Variants in RPGRIP1L observed in about 807,000 individuals in gnomAD.
RPGRIP1L encodes protein fantom.
In RPGRIP1L, 131 loss-of-function variants were observed where a neutral mutation model predicts 160.4. The observed-to-expected ratio is 0.82, with a 90% CI of 0.71 to 0.94. The LOEUF (loss-of-function observed/expected upper bound fraction) is 0.94. Ranked by LOEUF, RPGRIP1L falls within the 40% of genes least tolerant of loss-of-function variation. The pLI is 0.00. For missense variants in RPGRIP1L, 1,522 were observed against 1,535.8 expected (o/e 0.99, Z 0.15); for synonymous variants, 510 against 515.8 (o/e 0.99, Z 0.15).
chr16:53,698,653 C>G (rs1255994522), intron 2 of RPGRIP1L, among the ~76,000 whole-genome samples: 1 of 131,196 alleles, frequency 7.6e-6, no homozygotes, highest in Non-Finnish European at 1.6e-5. Flanking sequence ...CCAGCCGCCC[C>G]GTCGGGAGGG....
At chr16:53,615,472 AT>A (rs1166401715) in intron 24 of RPGRIP1L, among the ~76,000 whole-genome samples, 17,668 of 74,672 alleles carry the variant, frequency 0.24, 1,710 homozygotes, top group Non-Finnish European at 0.3. Flanking sequence ...ATATATATAT[AT>A]TTTTTTTTTT....
intron 10 of RPGRIP1L, among the ~76,000 whole-genome samples, chr16:53,662,755 A>T (rs1967913461): frequency 6.6e-6 from 1 of 152,074 alleles, no homozygotes; most frequent in Non-Finnish European, 1.5e-5. Flanking sequence ...AATCTGAGGT[A>T]TTCAAACAAA....
In RPGRIP1L at chr16:53,638,007, A is replaced by G. The variant is rs888005204; in HGVS notation, c.3061-153T>C. On this transcript the variant is annotated intron_variant, in intron 20 of 26. Transcript: ENST00000647211. The stretch of plus-strand genomic sequence containing the variant: ...ATGAGACTCAGAAAACAACCACTTC[A>G]ATTTGTACAAATGATAATATATAGA... Among the ~76,000 whole-genome samples the G allele has an allele frequency of 1.4e-4, 22 of 152,184 alleles. 1 individual carries two copies. Among genetic ancestry groups the G allele is most frequent in the Admixed American group, 1.2e-3 (19 of 15,278 alleles).
Position 53,658,414 on chromosome 16 carries a change from C to T in RPGRIP1L, c.1401G>A (p.Lys467=), listed in dbSNP as rs377189596. 1.6e-5 allele frequency: 25 copies of T among 1,608,664 alleles called. No homozygotes were observed. Among genetic ancestry groups the T allele is most frequent in the Non-Finnish European group, 2.1e-5 (25 of 1,175,400 alleles). ...DELSEALLLI[K]AQKEQKNGDL... is the part of the protein sequence containing the mutation. ...ATCACGATGAAGTTCAGAACCTTAC[C>T]TTTATAAGTAGGAGAGCTTCACTCA... Residue 467 remains lysine, a splice_region_variant and synonymous_variant, in exon 12 of 27, where the codon AAG becomes AAA. Transcript: ENST00000647211.
At chr16:53,688,097 A>G in intron 4 of RPGRIP1L, 132 bp from the exon 5 acceptor site, 1 of 630,834 alleles carries the variant, frequency 1.6e-6, no homozygotes, top group South Asian at 1.9e-5. Context: ...AGTACACAGA[A>G]TTATAAATAC....
intron 24 of RPGRIP1L, among the ~76,000 whole-genome samples, chr16:53,615,761 G>A (rs907485648): frequency 2.6e-5 from 4 of 151,462 alleles, no homozygotes; most frequent in African/African-American, 7.3e-5. Flanking sequence ...ACTATGCCAG[G>A]ACGACTTTTG....
In RPGRIP1L at chr16:53,664,865, T is replaced by C. The variant is rs1222025007; in HGVS notation, c.1243+5A>G. ...TGAGTAAGGCAGTGGTTATTTCAAATGTACCTCTTTCAGTTTTTAATCTGT... is the reference window on the plus strand; with the variant it reads ...TGAGTAAGGCAGTGGTTATTTCAAACGTACCTCTTTCAGTTTTTAATCTGT... On this transcript the variant is annotated splice_donor_5th_base_variant and intron_variant, in intron 10 of 26. Transcript: ENST00000647211. 6.2e-7 allele frequency: 1 copy of C among 1,609,318 alleles called. No individual in the cohort carries two copies. The highest frequency in any genetic ancestry group is 1.1e-5 in the South Asian group (1 of 91,080).
intron 6 of RPGRIP1L, among the ~76,000 whole-genome samples, chr16:53,680,634 A>C (rs1969533702): frequency 6.6e-6 from 1 of 152,166 alleles, no homozygotes; most frequent in African/African-American, 2.4e-5. Context: ...ACTGTGTATT[A>C]GATGCTGTGG....
chr16:53,623,389 G>A (rs1012308777), intron 22 of RPGRIP1L, among the ~76,000 whole-genome samples: 24 of 152,296 alleles, frequency 1.6e-4, no homozygotes, highest in African/African-American at 5.5e-4. Flanking sequence ...ACAGAGAGAG[G>A]TGAGGCACTC....
At chr16:53,682,326 C>T (rs1039417441) in intron 6 of RPGRIP1L, among the ~76,000 whole-genome samples, 1 of 152,104 alleles carries the variant, frequency 6.6e-6, no homozygotes, top group Non-Finnish European at 1.5e-5. Context: ...AAATAGACTG[C>T]TACAGAGTAA....
intron 16 of RPGRIP1L, 27 bp downstream of exon 16, chr16:53,648,937 A>G (rs1011518338): frequency 6.3e-7 from 1 of 1,599,738 alleles, no homozygotes; most frequent in South Asian, 1.1e-5. Context: ...TATGTCATAA[A>G]AGGGTCTTAA....
Position 53,600,369 on chromosome 16 carries a change from A to G in RPGRIP1L, c.*1707T>C, listed in dbSNP as rs1361258265. 2 of 152,616 alleles carry G rather than the reference A, an allele frequency of 1.3e-5. No individual in the cohort carries two copies. The highest frequency in any genetic ancestry group is 4.8e-5 in the African/African-American group (2 of 41,444). The allele number at this position is 152,616 out of a possible 1,614,324, so 9.5% of individuals were successfully genotyped here. A position where few individuals can be genotyped will look rare whatever the true frequency, so the allele number is the denominator to read the frequency against. On this transcript the variant is annotated 3_prime_UTR_variant, in exon 27 of 27. Coordinates refer to ENST00000647211, the MANE Select transcript of RPGRIP1L (RefSeq NM_015272.5). ...AGGACTGGAGAGGTTTAGTCTGCAG[A>G]TGTTTGTGGTCTCCAGAAGGTTCCA...
rs944748420 is a variant in RPGRIP1L at position 53,695,403 on chromosome 16, T to C, written c.230+748A>G. 1.1e-5 allele frequency: 8 copies of C among 702,906 alleles called. No homozygotes were observed. In the African/African-American group the frequency reaches 1.4e-4, roughly 12 times the overall value. The allele number at this position is 702,906 out of a possible 1,614,324, so 43.5% of individuals were successfully genotyped here. On this transcript the variant is annotated intron_variant, in intron 3 of 26. Coordinates refer to ENST00000647211, the MANE Select transcript of RPGRIP1L (RefSeq NM_015272.5). ...GGAACCACCTCCTTAGGATGGATTC[T>C]AAGCAGAAAAACCCTATTTTCATTC...
chr16:53,629,640 G>A (rs1030978608), intron 22 of RPGRIP1L, among the ~76,000 whole-genome samples: 7 of 152,032 alleles, frequency 4.6e-5, no homozygotes, highest in Non-Finnish European at 1.0e-4. Flanking sequence ...TGAGTCAATC[G>A]ATGCTCACCA....
chr16:53,620,789 C>T (rs1028868838), intron 23 of RPGRIP1L, among the ~76,000 whole-genome samples: 7 of 152,120 alleles, frequency 4.6e-5, no homozygotes, highest in African/African-American at 1.2e-4. Context: ...CTTCTCTGCT[C>T]GCTGAAGACT....
At chr16:53,680,596 T>G (rs987758440) in intron 6 of RPGRIP1L, among the ~76,000 whole-genome samples, 13 of 152,070 alleles carry the variant, frequency 8.5e-5, no homozygotes, top group Admixed American at 1.3e-4. Flanking sequence ...AAGACATTAT[T>G]GGGACAATTG....
intron 22 of RPGRIP1L, 31 bp downstream of exon 22, chr16:53,636,408 G>T: frequency 6.8e-7 from 1 of 1,465,174 alleles, no homozygotes; most frequent in South Asian, 1.1e-5. Flanking sequence ...CCTTATTTCA[G>T]AACATTTCTA....
chr16:53,653,113 C>A, intron 14 of RPGRIP1L, 126 bp from the exon 15 acceptor site: 2 of 885,390 alleles, frequency 2.3e-6, no homozygotes, highest in Middle Eastern at 3.2e-4. Context: ...TATGACTACA[C>A]TGTTTTTCTG....
At chr16:53,664,776 G>T in intron 10 of RPGRIP1L, 94 bp downstream of exon 10, 1 of 1,396,564 alleles carries the variant, frequency 7.2e-7, no homozygotes, top group African/African-American at 1.4e-5. Context: ...CGGGGATACT[G>T]GCAAACAGTA....
Sources: gnomAD v4.1 joint callset for allele counts (sites outside exome capture counted in the v4.1 genomes callset) on GRCh38, gnomAD v4.1.1 for gene constraint, MANE v1.5 for transcripts, NCBI Gene and HGNC (gene_info 2026-07-23, HGNC 2026-07-21) for gene names.